NALCN: variants seen among roughly 807,000 people sequenced by gnomAD.
NALCN encodes the protein sodium leak channel NALCN.
NALCN carries 111 observed loss-of-function variants against 225.3 expected under a neutral mutation model. The ratio of observed to expected loss-of-function variants is 0.49; its 90% confidence interval spans 0.42 to 0.58. NALCN has a LOEUF of 0.58. NALCN is among the 20% of genes least tolerant of loss of function. The pLI, the probability that NALCN is intolerant of heterozygous loss-of-function variation, is 0.00. For missense variants in NALCN, 1,378 were observed against 2,202.4 expected, an observed-to-expected ratio of 0.63 and a Z score of 7.49; for synonymous variants, 764 against 769.0, an observed-to-expected ratio of 0.99 and a Z score of 0.11.
intron 6 of NALCN, among the ~76,000 whole-genome samples, chr13:101,363,003 T>C (rs2139370933): frequency 6.6e-6 from 1 of 151,944 alleles, no homozygotes; most frequent in South Asian, 2.1e-4. Context: ...TATTAAAAAA[T>C]TAAAAATGCC....
intron 18 of NALCN, among the ~76,000 whole-genome samples, chr13:101,114,757 G>A (rs2035622459): frequency 6.6e-6 from 1 of 152,136 alleles, no homozygotes; most frequent in Non-Finnish European, 1.5e-5. Flanking sequence ...GGAGTAATTT[G>A]TCCTGCAGCA....
At chr13:101,369,384 A>G (rs56046537) in intron 6 of NALCN, among the ~76,000 whole-genome samples, 31,805 of 151,926 alleles carry the variant, frequency 0.21, 3,450 homozygotes, top group Non-Finnish European at 0.24. Flanking sequence ...GTTTTCATGC[A>G]TTTTTTCAGT....
intron 12 of NALCN, among the ~76,000 whole-genome samples, chr13:101,235,700 AAGTG>A (rs2041529518): frequency 6.6e-6 from 1 of 152,170 alleles, no homozygotes; most frequent in Non-Finnish European, 1.5e-5. Context: ...ATGCTGAGGG[AAGTG>A]AGCGCTTGAA....
Position 101,284,004 on chromosome 13 carries a change from C to G in NALCN, c.1063G>C (p.Ala355Pro). 1 of 1,613,332 alleles carries G rather than the reference C, an allele frequency of 6.2e-7. No individual in the cohort carries two copies. Among genetic ancestry groups the G allele is most frequent in the Non-Finnish European group, 8.5e-7 (1 of 1,179,724 alleles). ...TATTQMFHED[A>P]AGGWQLVAVD... Reference sequence around the variant, plus strand: ...GCTACCAGCTGCCAACCTCCAGCAGCATCTTCATGAAACATCTTCAAGACA... The same window carrying G: ...GCTACCAGCTGCCAACCTCCAGCAGGATCTTCATGAAACATCTTCAAGACA... Residue 355 changes from alanine to proline, a missense_variant, in exon 10 of 44, where the codon GCT becomes CCT. Physicochemically the swap from Ala to Pro is conservative, Grantham distance 27. This residue lies in a region of NALCN where 144 missense variants were observed against 187.7 expected (regional missense o/e 0.77). Transcript: ENST00000251127.
At chr13:101,273,007 C>T (rs865891441) in intron 10 of NALCN, among the ~76,000 whole-genome samples, 1 of 152,228 alleles carries the variant, frequency 6.6e-6, no homozygotes, top group African/African-American at 2.4e-5. Context: ...CCTGTTACCT[C>T]CCTCTGTTCC....
chr13:101,164,167 C>G (rs1383970077), intron 15 of NALCN, among the ~76,000 whole-genome samples: 1 of 152,174 alleles, frequency 6.6e-6, no homozygotes, highest in African/African-American at 2.4e-5. Flanking sequence ...ATTTGAGGGA[C>G]AGAATTCCAC....
At chr13:101,119,727 A>G (rs978580077) in intron 18 of NALCN, among the ~76,000 whole-genome samples, 7 of 152,170 alleles carry the variant, frequency 4.6e-5, no homozygotes, top group Non-Finnish European at 1.0e-4. Flanking sequence ...AAGAAGCTTT[A>G]TTTAGTGGAG....
rs768172972 is a variant in NALCN at position 101,057,923 on chromosome 13, G to A, written c.5023+16C>T. The A allele has an allele frequency of 6.3e-7, 1 of 1,586,816 alleles. No homozygotes were observed. Among genetic ancestry groups the A allele is most frequent in the Admixed American group, 1.7e-5 (1 of 60,004 alleles). On this transcript the variant is annotated intron_variant, in intron 43 of 43. Coordinates refer to ENST00000251127, the MANE Select transcript of NALCN (RefSeq NM_052867.4). Reference sequence around the variant, plus strand: ...AAAATGCCTCGATCGCTGGAGAAATGCCTGGATGGACCTACCTGAGGGCAG... The same window carrying A: ...AAAATGCCTCGATCGCTGGAGAAATACCTGGATGGACCTACCTGAGGGCAG...
intron 7 of NALCN, among the ~76,000 whole-genome samples, chr13:101,311,774 G>C (rs1490998651): frequency 6.6e-6 from 1 of 152,068 alleles, no homozygotes. Context: ...GTATTTTATT[G>C]AGGATTTTTG....
At chr13:101,348,359 A>G (rs1001328600) in intron 6 of NALCN, among the ~76,000 whole-genome samples, 2 of 152,176 alleles carry the variant, frequency 1.3e-5, no homozygotes, top group African/African-American at 4.8e-5. Flanking sequence ...TGTAAATTGT[A>G]TAAAACAGGT....
At chr13:101,402,368 C>T (rs912292718) in intron 1 of NALCN, among the ~76,000 whole-genome samples, 1 of 152,144 alleles carries the variant, frequency 6.6e-6, no homozygotes, top group East Asian at 1.9e-4. Context: ...CTCATTCATC[C>T]CATGTTCATT....
intron 3 of NALCN, among the ~76,000 whole-genome samples, chr13:101,390,809 G>T (rs1346446759): frequency 6.7e-6 from 1 of 149,580 alleles, no homozygotes; most frequent in Admixed American, 6.7e-5. Flanking sequence ...CCTTCGAAAA[G>T]TTAGAAACAG....
In NALCN at chr13:101,054,469, A is replaced by T. The variant is rs1161971423; in HGVS notation, c.*826T>A. ...ACATCACACATGCAAAGATTTTTTT[A>T]AATAAATTGAGCTATATAGTTTTAT... On this transcript the variant is annotated 3_prime_UTR_variant, in exon 44 of 44. Transcript: ENST00000251127. 1 of 152,190 alleles carries T rather than the reference A, an allele frequency of 6.6e-6. No homozygotes were observed. Among genetic ancestry groups the T allele is most frequent in the Non-Finnish European group, 1.5e-5 (1 of 68,022 alleles). The allele number at this position is 152,190 out of a possible 1,614,324, so 9.4% of individuals were successfully genotyped here. A position where few individuals can be genotyped will look rare whatever the true frequency, so the allele number is the denominator to read the frequency against.
At chr13:101,377,083 G>A (rs747330357) in intron 4 of NALCN, 27 bp from the exon 5 acceptor site, 19 of 1,613,800 alleles carry the variant, frequency 1.2e-5, no homozygotes, top group Non-Finnish European at 1.5e-5. Context: ...GGGTAAATGA[G>A]GTTGGATTTT....
At chr13:101,187,875 G>T (rs1018677539) in intron 14 of NALCN, among the ~76,000 whole-genome samples, 3 of 152,130 alleles carry the variant, frequency 2.0e-5, no homozygotes, top group African/African-American at 7.2e-5. Context: ...GGGTCATGAG[G>T]CAATACTGAG....
intron 37 of NALCN, among the ~76,000 whole-genome samples, chr13:101,070,063 G>GTT (rs71121162): frequency 2.0e-5 from 2 of 98,310 alleles, no homozygotes; most frequent in Non-Finnish European, 3.7e-5. Flanking sequence ...AATCATGAAT[G>GTT]TTTTTTTTTT....
chr13:101,303,562 T>G (rs2044047183), intron 7 of NALCN, among the ~76,000 whole-genome samples: 1 of 152,148 alleles, frequency 6.6e-6, no homozygotes, highest in South Asian at 2.1e-4. Context: ...AAGGCAACAT[T>G]AGATACAGAC....
chr13:101,237,273 T>G (rs946367053), intron 12 of NALCN, among the ~76,000 whole-genome samples: 16 of 152,142 alleles, frequency 1.1e-4, no homozygotes, highest in African/African-American at 3.8e-4. Flanking sequence ...GTATGAGTAA[T>G]TACAATCTGT....
intron 17 of NALCN, among the ~76,000 whole-genome samples, chr13:101,138,165 C>T (rs1311417346): frequency 6.6e-6 from 1 of 152,182 alleles, no homozygotes; most frequent in East Asian, 1.9e-4. Flanking sequence ...GCATTTCCTC[C>T]CATTGGACTA....
Sources: gnomAD v4.1 joint callset for allele counts (sites outside exome capture counted in the v4.1 genomes callset) on GRCh38, gnomAD v4.1.1 for gene constraint, gnomAD v4.1.1 regional missense constraint, MANE v1.5 for transcripts, NCBI Gene and HGNC (gene_info 2026-07-23, HGNC 2026-07-21) for gene names.